The following SLC22A31 variants were observed in gnomAD, a reference collection of about 807,000 sequenced individuals.
The protein encoded by SLC22A31 is putative solute carrier family 22 member 31.
In SLC22A31, 42 loss-of-function variants were observed where a neutral mutation model predicts 27.4. The ratio of observed to expected loss-of-function variants is 1.53; its 90% confidence interval spans 1.20 to 1.98. The LOEUF (loss-of-function observed/expected upper bound fraction) is 1.98. SLC22A31 is among the 30% of genes most tolerant of loss of function. The pLI is 0.00. For missense variants in SLC22A31, 593 were observed against 479.9 expected, an observed-to-expected ratio of 1.24 and a Z score of -2.20; for synonymous variants, 290 against 230.8, an observed-to-expected ratio of 1.26 and a Z score of -2.33.
intron 7 of SLC22A31, 97 bp downstream of exon 7, chr16:89,198,025 C>G: frequency 2.2e-6 from 3 of 1,366,888 alleles, no homozygotes; most frequent in Non-Finnish European, 2.9e-6. Context: ...GCTGCCACCC[C>G]AGGCTGCTCC....
chr16:89,196,232 CGT>C lies in SLC22A31; in HGVS notation c.1106_1107del (p.His369ArgfsTer28). The C allele has an allele frequency of 2.6e-6, 4 of 1,534,440 alleles. No individual in the cohort carries two copies. The highest frequency in any genetic ancestry group is 3.5e-6 in the Non-Finnish European group (4 of 1,146,446). The stretch of plus-strand genomic sequence containing the variant: ...TGTTGCAGGAAGAAGCCCTGCCGGC[CGT>C]GCAGGGTGTCCAGGGGGCCGGCTGC... ...GQAAGPLDTL[H>X]GRQGFFLQQV... On this transcript the variant is annotated frameshift_variant, in exon 9 of 9. Transcript: ENST00000682282. LOFTEE classifies it low-confidence loss of function (END_TRUNC).
chr16:89,201,576 A>C, upstream of SLC22A31: 1 of 398,540 alleles, frequency 2.5e-6, no homozygotes, highest in Non-Finnish European at 4.4e-6. Context: ...CCCCAGCACT[A>C]TGCAGGGTAC....
In SLC22A31 at chr16:89,198,306, G is replaced by A. The variant is rs2151612167; in HGVS notation, c.738C>T (p.Phe246=). 1.3e-6 allele frequency: 2 copies of A among 1,535,924 alleles called. No individual in the cohort carries two copies. Among genetic ancestry groups the A allele is most frequent in the Non-Finnish European group, 1.7e-6 (2 of 1,146,892 alleles). Residue 246 remains phenylalanine, a synonymous_variant, in exon 7 of 9, where the codon TTC becomes TTT. Transcript: ENST00000682282. ...SLVGGGIRAS[F]RRSLAPQVPT... ...GCACCTGAGGTGCCAGGCTGCGGCG[G>A]AAGCTAGCTCTGATGCCTCCACCAA...
At position 89,196,136 on chromosome 16, in the gene SLC22A31, C is replaced by A. The variant is rs1215366384; in HGVS notation, c.1204G>T (p.Gly402Trp). Reference sequence around the variant, plus strand: ...GCGTCCTGCAGTGACTGGGGCAGCCCCCGGCTTCGGCTCTCAGGCAGCAGC... The same window carrying A: ...GCGTCCTGCAGTGACTGGGGCAGCCACCGGCTTCGGCTCTCAGGCAGCAGC... ...VLLLPESRSRGLPQSLQDADR... is the reference protein window; with the variant it reads ...VLLLPESRSRWLPQSLQDADR... Residue 402 changes from glycine (G) to tryptophan (W), a missense_variant, in exon 9 of 9, where the codon GGG becomes TGG. Physicochemically the swap from Gly to Trp is radical, Grantham distance 184. Transcript: ENST00000682282. 6.5e-7 allele frequency: 1 copy of A among 1,534,904 alleles called. No individual in the cohort carries two copies. The highest frequency in any genetic ancestry group is 1.2e-5 in the South Asian group (1 of 84,038).
intron 1 of SLC22A31, 44 bp downstream of exon 1, chr16:89,200,434 G>A: frequency 6.5e-6 from 1 of 152,696 alleles, no homozygotes; most frequent in Non-Finnish European, 1.5e-5. Flanking sequence ...TTAATCTACT[G>A]CTGGGGGCCG....
At chr16:89,199,989 A>G in intron 1 of SLC22A31, 173 bp from the exon 2 acceptor site, 2 of 397,186 alleles carry the variant, frequency 5.0e-6, no homozygotes. Flanking sequence ...CAGGTCACAC[A>G]GCAGCCTCTC....
At position 89,199,047 on chromosome 16, in the gene SLC22A31, C is replaced by T; in HGVS notation, c.428G>A (p.Ser143Asn). ...CCCCCAAAAGAGCAGCAAGAGTCCACTCATCAGGGCACCCAGCCCCTGCAG... is the reference window on the plus strand; with the variant it reads ...CCCCCAAAAGAGCAGCAAGAGTCCATTCATCAGGGCACCCAGCCCCTGCAG... ...RLLQGLGALMSGLLLLFWGFP... is the reference protein window; with the variant it reads ...RLLQGLGALMNGLLLLFWGFP... The change falls in exon 4 of 9, where the codon AGT (serine) becomes AAT (asparagine). Residue 143 changes from serine (S) to asparagine (N), a missense_variant. Physicochemically the swap from Ser to Asn is conservative, Grantham distance 46. Transcript: ENST00000682282. 2.6e-6 allele frequency: 4 copies of T among 1,535,730 alleles called. No individual in the cohort carries two copies. The highest frequency in any genetic ancestry group is 1.4e-5 in the African/African-American group (1 of 73,160).
Position 89,199,044 on chromosome 16 carries a change from C to A in SLC22A31, c.431G>T (p.Gly144Val), listed in dbSNP as rs375247169. The A allele has an allele frequency of 1.3e-5, 20 of 1,535,544 alleles. No individual in the cohort carries two copies. The East Asian group carries it at 3.7e-4, about 28-fold the overall frequency. ...LLQGLGALMS[G>V]LLLLFWGFPA... ...TTACCCCCAAAAGAGCAGCAAGAGT[C>A]CACTCATCAGGGCACCCAGCCCCTG... The change falls in exon 4 of 9, where the codon GGA becomes GTA. Residue 144 changes from glycine to valine, a missense_variant. Gly to Val is a moderately radical substitution (Grantham distance 109). Coordinates refer to ENST00000682282, the MANE Select transcript of SLC22A31 (RefSeq NM_001384763.1).
upstream of SLC22A31, among the ~76,000 whole-genome samples, chr16:89,200,593 G>T (rs1036023694): frequency 1.3e-5 from 2 of 152,210 alleles, no homozygotes; most frequent in African/African-American, 4.8e-5. Flanking sequence ...CAGGGCCCCA[G>T]GCAGCCCTTG....
At chr16:89,199,290 G>A (rs1427711315) in intron 3 of SLC22A31, 99 bp from the exon 4 acceptor site, 3 of 1,224,332 alleles carry the variant, frequency 2.5e-6, no homozygotes, top group Non-Finnish European at 3.3e-6. Context: ...CCCAGGAGCG[G>A]GATGCCCAAG....
At chr16:89,198,402 C>A in intron 6 of SLC22A31, 40 bp downstream of exon 6, 1 of 1,528,702 alleles carries the variant, frequency 6.5e-7, no homozygotes, top group Non-Finnish European at 8.8e-7. Flanking sequence ...TATGCCCACC[C>A]CGGGGGATGG....
intron 6 of SLC22A31, 45 bp from the exon 7 acceptor site, chr16:89,198,381 T>C: frequency 6.5e-7 from 1 of 1,532,928 alleles, no homozygotes. Flanking sequence ...AGCCGGGGAC[T>C]CTGGGGACCA....
At chr16:89,197,499 G>T in intron 7 of SLC22A31, 90 bp from the exon 8 acceptor site, 1 of 880,730 alleles carries the variant, frequency 1.1e-6, no homozygotes, top group Non-Finnish European at 1.7e-6. Flanking sequence ...CCACACCACT[G>T]TCTGGGGACC....
At chr16:89,201,160 G>C (rs575656484), upstream of SLC22A31, 176 of 378,468 alleles carry the variant, frequency 4.7e-4, 1 homozygote, top group East Asian at 6.6e-3. Context: ...GACGGCCGGG[G>C]GGCCCGGGTC....
chr16:89,199,288 C>T (rs539469396), intron 3 of SLC22A31, 97 bp from the exon 4 acceptor site: 10 of 1,261,180 alleles, frequency 7.9e-6, no homozygotes, highest in Admixed American at 5.5e-5. Flanking sequence ...TGCCCAGGAG[C>T]GGGATGCCCA....
upstream of SLC22A31, chr16:89,201,212 G>C (rs947749575): frequency 5.3e-6 from 2 of 375,530 alleles, no homozygotes; most frequent in Non-Finnish European, 9.5e-6. Flanking sequence ...CCAGGGCCTC[G>C]GCGGGCTGGG....
intron 4 of SLC22A31, 98 bp downstream of exon 4, chr16:89,198,925 A>T: frequency 6.7e-7 from 1 of 1,492,048 alleles, no homozygotes; most frequent in Non-Finnish European, 8.9e-7. Context: ...GTGACCCTGT[A>T]ACCCATGCGT....
In SLC22A31 at chr16:89,196,140, G is replaced by T. The variant is rs1293079544; in HGVS notation, c.1200C>A (p.Ser400Arg). ...LCVLLLPESR[S>R]RGLPQSLQDA... ...CCTGCAGTGACTGGGGCAGCCCCCGGCTTCGGCTCTCAGGCAGCAGCAGGA... is the reference window on the plus strand; with the variant it reads ...CCTGCAGTGACTGGGGCAGCCCCCGTCTTCGGCTCTCAGGCAGCAGCAGGA... The change falls in exon 9 of 9, where the codon AGC (serine) becomes AGA (arginine). Residue 400 changes from serine (S) to arginine (R), a missense_variant. Physicochemically the swap from Ser to Arg is moderately radical, Grantham distance 110 (BLOSUM62 -1). Coordinates refer to ENST00000682282, the MANE Select transcript of SLC22A31 (RefSeq NM_001384763.1). 1.9e-5 allele frequency: 29 copies of T among 1,534,982 alleles called. No homozygotes were observed. The highest frequency in any genetic ancestry group is 2.5e-5 in the Non-Finnish European group (29 of 1,146,518).
Position 89,199,756 on chromosome 16 carries a change from C to T in SLC22A31, c.85G>A (p.Gly29Ser). Residue 29 changes from glycine to serine, a missense_variant, in exon 2 of 9, where the codon GGC becomes AGC. Gly to Ser is a moderately conservative substitution (Grantham distance 56). Coordinates refer to ENST00000682282, the MANE Select transcript of SLC22A31 (RefSeq NM_001384763.1). The part of the protein sequence containing the change: ...VPLEQVSHLL[G>S]WLLGCVILGA... ...AGGATGACACAGCCCAGCAGCCAGC[C>T]CAGGAGGTGGCTCACCTGCTCCAGC... The T allele has an allele frequency of 2.5e-6, 1 of 404,242 alleles. No individual in the cohort carries two copies. The highest frequency in any genetic ancestry group is 4.4e-6 in the Non-Finnish European group (1 of 228,198). 25.0% of individuals were successfully genotyped at this position (404,242 alleles called of 1,614,324 possible). A position where few individuals can be genotyped will look rare whatever the true frequency, so the allele number is the denominator to read the frequency against.
Sources: allele counts gnomAD v4.1 joint callset (sites outside exome capture counted in the v4.1 genomes callset), GRCh38; gene constraint gnomAD v4.1.1; transcripts MANE v1.5; gene names NCBI Gene and HGNC (gene_info 2026-07-23, HGNC 2026-07-21).